Variants in PDZRN3 observed in about 807,000 individuals in gnomAD.
PDZRN3 encodes the protein PDZ domain containing ring finger 3.
In PDZRN3, 38 loss-of-function variants were observed where a neutral mutation model predicts 85.7. That is an observed-to-expected ratio of 0.44 (90% CI 0.34 to 0.58). PDZRN3 has a LOEUF of 0.58. Among genes scored for constraint, PDZRN3 ranks in the 20% least tolerant of loss-of-function variants. The probability of loss-of-function intolerance (pLI) is 0.01; values close to 1 mark genes in which losing one functional copy is unlikely to be tolerated. For synonymous variants in PDZRN3, 759 were observed against 638.0 expected, an observed-to-expected ratio of 1.19 and a Z score of -2.86; for missense variants, 1,629 against 1,506.4, an observed-to-expected ratio of 1.08 and a Z score of -1.35.
intron 3 of PDZRN3, among the ~76,000 whole-genome samples, chr3:73,584,455 GTGTGT>G (rs777464591): frequency 3.1e-3 from 149 of 47,950 alleles, no homozygotes; most frequent in African/African-American, 0.011. Flanking sequence ...ATTTAATGGT[GTGTGT>G]GTGTGTGTGT....
At chr3:73,420,758 C>G (rs962772505) in intron 3 of PDZRN3, among the ~76,000 whole-genome samples, 1 of 152,124 alleles carries the variant, frequency 6.6e-6, no homozygotes, top group Admixed American at 6.5e-5. Context: ...TCCTTCAACC[C>G]CTAGATTGGC....
chr3:73,609,967 T>C (rs1559757017), intron 1 of PDZRN3, among the ~76,000 whole-genome samples: 1 of 152,186 alleles, frequency 6.6e-6, no homozygotes, highest in African/African-American at 2.4e-5. Context: ...CCAGTAGAGC[T>C]AAAAAAATAT....
At chr3:73,472,996 C>T (rs1369738523) in intron 3 of PDZRN3, among the ~76,000 whole-genome samples, 5 of 152,108 alleles carry the variant, frequency 3.3e-5, no homozygotes, top group Non-Finnish European at 5.9e-5. Flanking sequence ...AGTGAATGGA[C>T]GATATCTGGG....
At chr3:73,576,107 C>CTG (rs1702119711) in intron 3 of PDZRN3, among the ~76,000 whole-genome samples, 1 of 145,720 alleles carries the variant, frequency 6.9e-6, no homozygotes, top group African/African-American at 2.6e-5. Flanking sequence ...TGCATGCATA[C>CTG]TCTCTCTCAC....
chr3:73,600,337 A>ACACACACACACACT (rs34405662), intron 3 of PDZRN3, among the ~76,000 whole-genome samples: 10 of 100,072 alleles, frequency 1.0e-4, no homozygotes, highest in Admixed American at 3.3e-4. Flanking sequence ...ACACACACAC[A>ACACACACACACACT]CTCTCTCTCT....
In PDZRN3 at chr3:73,532,063, G is replaced by A. The variant is rs192316424; in HGVS notation, c.918+70291C>T. Among the ~76,000 whole-genome samples the A allele has an allele frequency of 8.5e-4, 130 of 152,166 alleles. 1 individual carries two copies. The highest frequency in any genetic ancestry group is 2.2e-3 in the African/African-American group (90 of 41,504). ...GTCGCCCAGGCTGGAGTGCAGTGGC[G>A]CGATCTTGGCTCACTGCAAGCTCTG... On this transcript the variant is annotated intron_variant, in intron 3 of 9. Transcript: ENST00000263666.
At chr3:73,441,408 T>TC (rs1390603334) in intron 3 of PDZRN3, among the ~76,000 whole-genome samples, 106 of 19,988 alleles carry the variant, frequency 5.3e-3, no homozygotes, top group African/African-American at 0.03. Flanking sequence ...TGAGACTCTG[T>TC]CCCAAAAAAA....
At chr3:73,471,308 C>T (rs547128898) in intron 3 of PDZRN3, among the ~76,000 whole-genome samples, 1 of 152,164 alleles carries the variant, frequency 6.6e-6, no homozygotes, top group Non-Finnish European at 1.5e-5. Context: ...GGTCCCCCCC[C>T]AGGTTTCACA....
intron 3 of PDZRN3, among the ~76,000 whole-genome samples, chr3:73,422,204 T>C (rs368165782): frequency 8.5e-5 from 13 of 152,268 alleles, no homozygotes; most frequent in African/African-American, 2.9e-4. Context: ...ACTAATGTCT[T>C]TTAATGGAAT....
intron 3 of PDZRN3, among the ~76,000 whole-genome samples, chr3:73,548,139 C>T (rs7631905): frequency 0.52 from 78,817 of 151,824 alleles, 21,374 homozygotes; most frequent in African/African-American, 0.68. Context: ...CCAACAACCC[C>T]GCGCCCACAC....
intron 3 of PDZRN3, among the ~76,000 whole-genome samples, chr3:73,535,650 T>A (rs1165368532): frequency 1.3e-5 from 2 of 152,236 alleles, no homozygotes; most frequent in Non-Finnish European, 2.9e-5. Context: ...ATGGACTGAC[T>A]ACAGAGTGAA....
chr3:73,575,201 C>T (rs1702104879), intron 3 of PDZRN3, among the ~76,000 whole-genome samples: 1 of 152,162 alleles, frequency 6.6e-6, no homozygotes, highest in African/African-American at 2.4e-5. Flanking sequence ...TACACAGGTA[C>T]TTCTTGAGAA....
At chr3:73,599,145 A>C (rs1023434119) in intron 3 of PDZRN3, among the ~76,000 whole-genome samples, 1 of 152,238 alleles carries the variant, frequency 6.6e-6, no homozygotes, top group African/African-American at 2.4e-5. Flanking sequence ...CACATTGTAC[A>C]CCCACATCCA....
At chr3:73,620,178 C>T (rs1465269881) in intron 1 of PDZRN3, among the ~76,000 whole-genome samples, 5 of 152,132 alleles carry the variant, frequency 3.3e-5, no homozygotes, top group Admixed American at 1.3e-4. Flanking sequence ...GTTTGGACCA[C>T]GGTGGTCATT....
chr3:73,490,947 GCC>G (rs1703758789), intron 3 of PDZRN3, among the ~76,000 whole-genome samples: 1 of 152,220 alleles, frequency 6.6e-6, no homozygotes, highest in Non-Finnish European at 1.5e-5. Flanking sequence ...TCTATTTCCT[GCC>G]CCTCTCATGT....
chr3:73,502,947 T>C (rs1295117687), intron 3 of PDZRN3, among the ~76,000 whole-genome samples: 1 of 152,218 alleles, frequency 6.6e-6, no homozygotes, highest in Non-Finnish European at 1.5e-5. Flanking sequence ...ATCTGTTAAG[T>C]AAGAATTTGC....
chr3:73,505,758 C>T (rs1464551377), intron 3 of PDZRN3, among the ~76,000 whole-genome samples: 4 of 151,902 alleles, frequency 2.6e-5, no homozygotes, highest in African/African-American at 9.7e-5. Flanking sequence ...TTTGATATGT[C>T]CTCTTGTTTT....
chr3:73,426,686 C>G (rs1702322113), intron 3 of PDZRN3, among the ~76,000 whole-genome samples: 1 of 152,166 alleles, frequency 6.6e-6, no homozygotes, highest in Non-Finnish European at 1.5e-5. Context: ...TGATTTAATA[C>G]AGAACATAGG....
intron 3 of PDZRN3, among the ~76,000 whole-genome samples, chr3:73,533,239 T>G (rs1025988984): frequency 3.9e-5 from 6 of 152,186 alleles, no homozygotes; most frequent in African/African-American, 1.4e-4. Context: ...ATGGCGAAAG[T>G]TAAGGCAAAA....
Sources: allele counts gnomAD v4.1 joint callset (sites outside exome capture counted in the v4.1 genomes callset), GRCh38; gene constraint gnomAD v4.1.1; transcripts MANE v1.5; gene names NCBI Gene and HGNC (gene_info 2026-07-23, HGNC 2026-07-21).